TSC22D1: variants seen among roughly 807,000 people sequenced by gnomAD.
The protein encoded by TSC22D1 is TSC22 domain family protein 1.
TSC22D1 carries 9 observed loss-of-function variants against 74.2 expected under a neutral mutation model. That is an observed-to-expected ratio of 0.12 (90% CI 0.07 to 0.21). The LOEUF (loss-of-function observed/expected upper bound fraction) is 0.21. TSC22D1 is among the 10% of genes least tolerant of loss of function. The pLI is 1.00. For missense variants in TSC22D1, 1,427 were observed against 1,304.7 expected (o/e 1.09, Z -1.44); for synonymous variants, 586 against 492.5 (o/e 1.19, Z -2.51).
intron 1 of TSC22D1, among the ~76,000 whole-genome samples, chr13:44,478,254 T>C (rs1878016363): frequency 6.6e-6 from 1 of 152,178 alleles, no homozygotes; most frequent in African/African-American, 2.4e-5. Flanking sequence ...TTTACTTACA[T>C]TTCTGTATGT....
In TSC22D1 at chr13:44,434,188, T is replaced by C; in HGVS notation, c.*438A>G. On this transcript the variant is annotated 3_prime_UTR_variant, in exon 3 of 3. Coordinates refer to ENST00000458659, the MANE Select transcript of TSC22D1 (RefSeq NM_183422.4). Reference sequence around the variant, plus strand: ...TTAGTCTTTTTACCCTCCTTTCAAGTTCCTCCTGGGGGGAGGAGAGGAGAG... The same window carrying C: ...TTAGTCTTTTTACCCTCCTTTCAAGCTCCTCCTGGGGGGAGGAGAGGAGAG... 6.8e-7 allele frequency: 1 copy of C among 1,463,484 alleles called. No homozygotes were observed. The highest frequency in any genetic ancestry group is 1.4e-5 in the South Asian group (1 of 71,638). The allele number at this position is 1,463,484 out of a possible 1,614,324, so 90.7% of individuals were successfully genotyped here. A position where few individuals can be genotyped will look rare whatever the true frequency, so the allele number is the denominator to read the frequency against.
intron 1 of TSC22D1, among the ~76,000 whole-genome samples, chr13:44,556,268 G>A (rs1367328242): frequency 2.6e-5 from 4 of 151,228 alleles, no homozygotes; most frequent in South Asian, 2.1e-4. Context: ...TCTTGGGGCC[G>A]TGCACGGTGA....
In TSC22D1 at chr13:44,457,357, G is replaced by A. The variant is rs759291782; in HGVS notation, c.2913-21262C>T. Among the ~76,000 whole-genome samples the A allele has an allele frequency of 1.1e-4, 16 of 152,166 alleles. No homozygotes were observed. The South Asian group carries it at 3.1e-3, about 30-fold the overall frequency. On this transcript the variant is annotated intron_variant, in intron 1 of 2. Coordinates refer to ENST00000458659, the MANE Select transcript of TSC22D1 (RefSeq NM_183422.4). ...ATCTCAAATATGTCTAATCACACTG[G>A]ATCAAAAACATCAAGCAGCATGCAC... is the stretch of plus-strand genomic sequence containing the variant.
At chr13:44,478,893 T>TTGTG (rs1878044933) in intron 1 of TSC22D1, among the ~76,000 whole-genome samples, 2 of 146,222 alleles carry the variant, frequency 1.4e-5, no homozygotes, top group Non-Finnish European at 3.1e-5. Context: ...AACACACAGG[T>TTGTG]AGTGTGTGTG....
Position 44,433,784 on chromosome 13 carries a change from A to C in TSC22D1, c.*842T>G, listed in dbSNP as rs967128617. 1.5e-5 allele frequency: 8 copies of C among 529,416 alleles called. No homozygotes were observed. The highest frequency in any genetic ancestry group is 2.6e-5 in the Non-Finnish European group (8 of 311,054). 32.8% of individuals were successfully genotyped at this position (529,416 alleles called of 1,614,324 possible). A position where few individuals can be genotyped will look rare whatever the true frequency, so the allele number is the denominator to read the frequency against. The stretch of plus-strand genomic sequence containing the variant: ...CAGCAGCTAGATTTCAGATTACACA[A>C]AGTGAGTAACTGTGCCAAATTCTTA... On this transcript the variant is annotated 3_prime_UTR_variant, in exon 3 of 3. Coordinates refer to ENST00000458659, the MANE Select transcript of TSC22D1 (RefSeq NM_183422.4).
intron 1 of TSC22D1, among the ~76,000 whole-genome samples, chr13:44,475,798 A>G (rs1365694000): frequency 2.0e-5 from 3 of 152,184 alleles, no homozygotes; most frequent in Non-Finnish European, 4.4e-5. Flanking sequence ...ATAGTGAAAA[A>G]TATTTCCTCA....
chr13:44,435,883 T>A, intron 2 of TSC22D1, 161 bp downstream of exon 2: 1 of 749,856 alleles, frequency 1.3e-6, no homozygotes, highest in Admixed American at 2.2e-5. Flanking sequence ...GCTGCCGTGG[T>A]AGGTGGCTCC....
intron 1 of TSC22D1, among the ~76,000 whole-genome samples, chr13:44,548,127 A>G (rs565339191): frequency 6.6e-6 from 1 of 152,358 alleles, no homozygotes; most frequent in South Asian, 2.1e-4. Context: ...AGGAAATTCA[A>G]AACCAGTTTG....
intron 1 of TSC22D1, among the ~76,000 whole-genome samples, chr13:44,524,002 A>T (rs1218631763): frequency 6.6e-6 from 1 of 152,188 alleles, no homozygotes; most frequent in African/African-American, 2.4e-5. Flanking sequence ...AAAGCCTTTG[A>T]AAAAAGAAGT....
intron 1 of TSC22D1, among the ~76,000 whole-genome samples, chr13:44,571,932 C>T (rs1259979523): frequency 6.6e-6 from 1 of 152,096 alleles, no homozygotes; most frequent in Non-Finnish European, 1.5e-5. Flanking sequence ...AAACATTTGA[C>T]CTGTTTTCTT....
In TSC22D1 at chr13:44,550,468, G is replaced by C. The variant is rs568609543; in HGVS notation, c.2912+22695C>G. On this transcript the variant is annotated intron_variant, in intron 1 of 2. Transcript: ENST00000458659. Reference sequence around the variant, plus strand: ...GTGGTGGCGCATGCCTGTAATCCCAGCTACTTGAGGGGCTGAGGAAGGAGA... The same window carrying C: ...GTGGTGGCGCATGCCTGTAATCCCACCTACTTGAGGGGCTGAGGAAGGAGA... 9.9e-5 allele frequency among the ~76,000 whole-genome samples: 15 copies of C among 151,896 alleles called. No individual in the cohort carries two copies. In the South Asian group the frequency reaches 2.9e-3, roughly 30 times the overall value.
intron 1 of TSC22D1, among the ~76,000 whole-genome samples, chr13:44,466,542 G>A (rs1278999604): frequency 6.6e-6 from 1 of 152,020 alleles, no homozygotes; most frequent in Non-Finnish European, 1.5e-5. Flanking sequence ...GCCATGGCAG[G>A]CGAATCGCTT....
At chr13:44,461,834 A>G (rs1333379123) in intron 1 of TSC22D1, among the ~76,000 whole-genome samples, 1 of 152,218 alleles carries the variant, frequency 6.6e-6, no homozygotes, top group Non-Finnish European at 1.5e-5. Flanking sequence ...GGCCAGTTCA[A>G]CCTAACTAGT....
chr13:44,509,217 A>T (rs576232958), intron 1 of TSC22D1, among the ~76,000 whole-genome samples: 1 of 152,196 alleles, frequency 6.6e-6, no homozygotes, highest in Non-Finnish European at 1.5e-5. Flanking sequence ...TGCTACAGTC[A>T]ATACCAGTGA....
intron 1 of TSC22D1, among the ~76,000 whole-genome samples, chr13:44,507,882 C>T (rs185002529): frequency 1.3e-5 from 2 of 152,140 alleles, no homozygotes; most frequent in African/African-American, 2.4e-5. Context: ...TAAGGCACTA[C>T]GACAGCACAA....
At chr13:44,537,900 T>C (rs1186561869) in intron 1 of TSC22D1, 8 of 985,000 alleles carry the variant, frequency 8.1e-6, no homozygotes, top group Non-Finnish European at 9.6e-6. Context: ...TTAATAACTC[T>C]AGAATGTCTA....
chr13:44,576,833 G>A (rs895471249), upstream of TSC22D1, among the ~76,000 whole-genome samples: 1 of 151,636 alleles, frequency 6.6e-6, no homozygotes, highest in Non-Finnish European at 1.5e-5. Context: ...CACGGCCGGG[G>A]CGCGGCGGCG....
intron 1 of TSC22D1, among the ~76,000 whole-genome samples, chr13:44,440,587 CAAAAAAAAAAAAA>C (rs67344848): frequency 1.5e-5 from 1 of 68,266 alleles, no homozygotes; most frequent in Admixed American, 1.8e-4. Context: ...GGCTCTGTCT[CAAAAAAAAAAAAA>C]AAAAAAAAAA....
chr13:44,508,584 GGATGATTTTTTT>G (rs1879544100), intron 1 of TSC22D1, among the ~76,000 whole-genome samples: 1 of 152,116 alleles, frequency 6.6e-6, no homozygotes, highest in Non-Finnish European at 1.5e-5. Flanking sequence ...CCAACAGCCA[GGATGATTTTTTT>G]AAAGGCACAT....
Sources: gnomAD v4.1 joint callset for allele counts (sites outside exome capture counted in the v4.1 genomes callset) on GRCh38, gnomAD v4.1.1 for gene constraint, MANE v1.5 for transcripts, NCBI Gene and HGNC (gene_info 2026-07-23, HGNC 2026-07-21) for gene names.